Variants in MACO1 observed in about 807,000 individuals in gnomAD.
The protein encoded by MACO1 is macoilin.
A neutral mutation model predicts 78.7 loss-of-function variants in MACO1; 14 were observed. The observed-to-expected ratio is 0.18, with a 90% CI of 0.12 to 0.28. The LOEUF is 0.28. Among genes scored for constraint, MACO1 ranks in the 10% least tolerant of loss-of-function variants. MACO1 has a pLI of 1.00. For missense variants in MACO1, 501 were observed against 799.0 expected, an observed-to-expected ratio of 0.63 and a Z score of 4.50; for synonymous variants, 288 against 291.6, an observed-to-expected ratio of 0.99 and a Z score of 0.12.
intron 3 of MACO1, among the ~76,000 whole-genome samples, chr1:25,449,374 A>C (rs1171807473): frequency 1.3e-5 from 2 of 152,160 alleles, no homozygotes; most frequent in Non-Finnish European, 2.9e-5. Context: ...TCTGATGGAA[A>C]ACCTACAGTG....
At chr1:25,476,184 C>T (rs1234370756) in intron 6 of MACO1, among the ~76,000 whole-genome samples, 3 of 152,192 alleles carry the variant, frequency 2.0e-5, no homozygotes, top group Admixed American at 6.5e-5. Flanking sequence ...TCAGTAAGTA[C>T]CCTATTTCCC....
intron 1 of MACO1, 117 bp downstream of exon 1, chr1:25,431,295 C>G (rs1571942051): frequency 1.5e-6 from 1 of 654,906 alleles, no homozygotes; most frequent in East Asian, 3.9e-5. Flanking sequence ...CGGGGGCTCT[C>G]CTAAGGAGCG....
At chr1:25,481,201 C>G (rs915650281) in intron 6 of MACO1, among the ~76,000 whole-genome samples, 1 of 152,022 alleles carries the variant, frequency 6.6e-6, no homozygotes, top group Non-Finnish European at 1.5e-5. Context: ...ATTTTTCTTT[C>G]ATTCCCAACT....
At chr1:25,479,728 C>T (rs1446286896) in intron 6 of MACO1, among the ~76,000 whole-genome samples, 1 of 152,074 alleles carries the variant, frequency 6.6e-6, no homozygotes, top group Non-Finnish European at 1.5e-5. Context: ...TCTTTCAAAA[C>T]TCATGACATA....
At chr1:25,449,077 T>G in intron 3 of MACO1, 143 bp downstream of exon 3, 1 of 620,102 alleles carries the variant, frequency 1.6e-6, no homozygotes, top group Non-Finnish European at 2.3e-6. Context: ...ATAATATACC[T>G]TCAAAAATAT....
chr1:25,463,774 T>G (rs2043191726), intron 6 of MACO1, among the ~76,000 whole-genome samples: 1 of 152,206 alleles, frequency 6.6e-6, no homozygotes, highest in South Asian at 2.1e-4. Context: ...GCTGTTAAAA[T>G]TTTGTTGTCT....
intron 1 of MACO1, among the ~76,000 whole-genome samples, chr1:25,439,745 A>G (rs979654224): frequency 1.3e-5 from 2 of 151,616 alleles, no homozygotes; most frequent in African/African-American, 4.8e-5. Context: ...GAGGCTGGAC[A>G]CTGTGGCTCA....
chr1:25,457,027 A>G (rs1194494566), intron 5 of MACO1, among the ~76,000 whole-genome samples, 196 bp downstream of exon 5: 3 of 151,956 alleles, frequency 2.0e-5, no homozygotes, highest in Non-Finnish European at 2.9e-5. Context: ...TCTGAAGACT[A>G]TGTGTTTAAA....
chr1:25,495,506 G>A (rs1431785523), intron 10 of MACO1, among the ~76,000 whole-genome samples: 1 of 152,066 alleles, frequency 6.6e-6, no homozygotes, highest in African/African-American at 2.4e-5. Flanking sequence ...GGAAGTGAGG[G>A]GGGCAGTTCC....
chr1:25,451,654 C>G (rs768095849), intron 3 of MACO1, among the ~76,000 whole-genome samples: 12 of 152,120 alleles, frequency 7.9e-5, no homozygotes, highest in Admixed American at 6.5e-5. Context: ...CACCTGCAAT[C>G]CCAGCACTTT....
At chr1:25,434,748 CCTAA>C in intron 1 of MACO1, among the ~76,000 whole-genome samples, 1 of 152,068 alleles carries the variant, frequency 6.6e-6, no homozygotes, top group Admixed American at 6.6e-5. Context: ...TTATTAAGTA[CCTAA>C]CTCTTATATT....
chr1:25,469,436 A>T (rs2043247861), intron 6 of MACO1, among the ~76,000 whole-genome samples: 1 of 152,160 alleles, frequency 6.6e-6, no homozygotes, highest in African/African-American at 2.4e-5. Flanking sequence ...TTAAAACATG[A>T]ATCTGCCCTT....
intron 1 of MACO1, among the ~76,000 whole-genome samples, chr1:25,441,058 T>C (rs191620424): frequency 8.9e-4 from 136 of 152,322 alleles, no homozygotes; most frequent in African/African-American, 3.1e-3. Flanking sequence ...TTGGTTGTTG[T>C]TGCTTTGTCC....
chr1:25,471,341 C>CAAAA (rs34002682), intron 6 of MACO1, among the ~76,000 whole-genome samples: 1 of 125,132 alleles, frequency 8.0e-6, no homozygotes, highest in Non-Finnish European at 1.8e-5. Flanking sequence ...TCTGTCTCAA[C>CAAAA]AAAAAAAAAA....
At chr1:25,436,590 G>A (rs1456306516) in intron 1 of MACO1, among the ~76,000 whole-genome samples, 1 of 152,160 alleles carries the variant, frequency 6.6e-6, no homozygotes, top group African/African-American at 2.4e-5. Flanking sequence ...TACAACAGTA[G>A]ATACACATAT....
In MACO1 at chr1:25,498,420, C is replaced by G; in HGVS notation, c.1949C>G (p.Ser650Cys). The change falls in exon 11 of 11, where the codon TCT becomes TGT. Residue 650 changes from serine (S) to cysteine (C), a missense_variant. Physicochemically the swap from Ser to Cys is moderately radical, Grantham distance 112 (BLOSUM62 -1). This residue lies in a region of MACO1 where 66 missense variants were observed against 101.6 expected (regional missense o/e 0.65). Coordinates refer to ENST00000374343, the MANE Select transcript of MACO1 (RefSeq NM_018202.6). ...YSSKFVETSP[S>C]GLDPNASVYQ... is the part of the protein sequence containing the mutation. ...TCCAAATTTGTGGAGACCAGCCCCT[C>G]TGGACTTGACCCCAATGCCTCTGTT... is the stretch of plus-strand genomic sequence containing the variant. 1 of 1,614,036 alleles carries G rather than the reference C, an allele frequency of 6.2e-7. No homozygotes were observed. The highest frequency in any genetic ancestry group is 8.5e-7 in the Non-Finnish European group (1 of 1,179,980).
chr1:25,455,608 G>A (rs565484797), intron 4 of MACO1, among the ~76,000 whole-genome samples: 2 of 152,244 alleles, frequency 1.3e-5, no homozygotes, highest in Admixed American at 6.5e-5. Flanking sequence ...AATGATGTTA[G>A]GCAGGCTGGT....
At chr1:25,468,666 C>T (rs766244400) in intron 6 of MACO1, among the ~76,000 whole-genome samples, 1 of 152,004 alleles carries the variant, frequency 6.6e-6, no homozygotes, top group Non-Finnish European at 1.5e-5. Context: ...TGGTTTGCTC[C>T]CATAATTAGT....
At chr1:25,451,687 A>G (rs918878291) in intron 3 of MACO1, among the ~76,000 whole-genome samples, 20 of 152,152 alleles carry the variant, frequency 1.3e-4, no homozygotes, top group African/African-American at 4.6e-4. Context: ...CGGGTGGATC[A>G]TTTGAATTCA....
Sources: gnomAD v4.1 joint callset for allele counts (sites outside exome capture counted in the v4.1 genomes callset) on GRCh38, gnomAD v4.1.1 for gene constraint, gnomAD v4.1.1 regional missense constraint, MANE v1.5 for transcripts, NCBI Gene and HGNC (gene_info 2026-07-23, HGNC 2026-07-21) for gene names.